The following JAZF1 variants were observed in gnomAD, a reference collection of about 807,000 sequenced individuals.
The protein encoded by JAZF1 is juxtaposed with another zinc finger protein 1.
JAZF1 carries 8 observed loss-of-function variants against 26.4 expected under a neutral mutation model. That is an observed-to-expected ratio of 0.30 (90% CI 0.18 to 0.55). The LOEUF is 0.55. Among genes scored for constraint, JAZF1 ranks in the 20% least tolerant of loss-of-function variants. JAZF1 has a pLI of 0.94. For missense variants in JAZF1, 199 were observed against 322.0 expected (o/e 0.62, Z 2.92); for synonymous variants, 126 against 122.3 (o/e 1.03, Z -0.20).
intron 1 of JAZF1, among the ~76,000 whole-genome samples, chr7:28,084,993 T>TA (rs1784191874): frequency 6.6e-6 from 1 of 152,176 alleles, no homozygotes; most frequent in Non-Finnish European, 1.5e-5. Context: ...CTCAGGACTC[T>TA]GTAGAGTCCC....
intron 4 of JAZF1, among the ~76,000 whole-genome samples, chr7:27,837,320 C>T (rs1782834032): frequency 1.3e-5 from 2 of 152,216 alleles, no homozygotes. Context: ...CGAGCATGAG[C>T]AGGGCAAGGG....
chr7:27,916,712 T>C (rs1784447578), intron 2 of JAZF1, among the ~76,000 whole-genome samples: 1 of 152,184 alleles, frequency 6.6e-6, no homozygotes, highest in South Asian at 2.1e-4. Flanking sequence ...GCAAACAACA[T>C]GGCACTAAAT....
intron 2 of JAZF1, among the ~76,000 whole-genome samples, chr7:27,984,356 A>G (rs1418139175): frequency 6.6e-6 from 1 of 152,234 alleles, no homozygotes; most frequent in Non-Finnish European, 1.5e-5. Flanking sequence ...AGAGACAAAG[A>G]AGGCCATTAC....
chr7:27,872,551 T>A (rs1246757975), intron 3 of JAZF1, among the ~76,000 whole-genome samples: 1 of 152,224 alleles, frequency 6.6e-6, no homozygotes, highest in Non-Finnish European at 1.5e-5. Flanking sequence ...AGCCAGGGGA[T>A]GTTAACTCAA....
chr7:28,078,356 G>A (rs1229503991), intron 1 of JAZF1, among the ~76,000 whole-genome samples: 1 of 152,182 alleles, frequency 6.6e-6, no homozygotes, highest in African/African-American at 2.4e-5. Flanking sequence ...ACCCATCACA[G>A]AGAACTGCTG....
intron 1 of JAZF1, among the ~76,000 whole-genome samples, chr7:28,002,765 G>A (rs1465547598): frequency 6.6e-6 from 1 of 152,052 alleles, no homozygotes; most frequent in Non-Finnish European, 1.5e-5. Flanking sequence ...CCTCCATAAT[G>A]CTTAGAAACA....
intron 1 of JAZF1, among the ~76,000 whole-genome samples, chr7:28,012,704 T>C (rs1229836021): frequency 6.6e-6 from 1 of 152,176 alleles, no homozygotes; most frequent in Non-Finnish European, 1.5e-5. Context: ...ACTTTGGGTG[T>C]GGCCTCAGCT....
chr7:27,833,140 T>G, intron 4 of JAZF1, 164 bp from the exon 5 acceptor site: 1 of 500,680 alleles, frequency 2.0e-6, no homozygotes, highest in Non-Finnish European at 3.5e-6. Flanking sequence ...TTCTGGTGTG[T>G]CGGTCATGGG....
At chr7:28,111,748 C>T (rs1346708645) in intron 1 of JAZF1, among the ~76,000 whole-genome samples, 1 of 152,088 alleles carries the variant, frequency 6.6e-6, no homozygotes, top group East Asian at 1.9e-4. Context: ...GTGTATTTAC[C>T]TTCAGGAGAC....
At chr7:27,950,156 G>T (rs987010781) in intron 2 of JAZF1, among the ~76,000 whole-genome samples, 5 of 152,222 alleles carry the variant, frequency 3.3e-5, no homozygotes, top group African/African-American at 1.2e-4. Flanking sequence ...CATGTCAAAT[G>T]AGACTATGTA....
chr7:27,982,170 T>A (rs924840844), intron 2 of JAZF1, among the ~76,000 whole-genome samples: 1 of 152,126 alleles, frequency 6.6e-6, no homozygotes, highest in Non-Finnish European at 1.5e-5. Flanking sequence ...ACCCAGGAAG[T>A]GCAAGAGGTA....
intron 3 of JAZF1, among the ~76,000 whole-genome samples, chr7:27,860,764 C>T (rs1783366029): frequency 6.6e-6 from 1 of 152,224 alleles, no homozygotes; most frequent in East Asian, 1.9e-4. Flanking sequence ...GCACTGCATA[C>T]TTGAATCCAG....
chr7:27,871,918 G>A lies in JAZF1; in HGVS notation c.385+23302C>T, dbSNP rs963373039. 4.6e-5 allele frequency among the ~76,000 whole-genome samples: 7 copies of A among 152,150 alleles called. No individual in the cohort carries two copies. In the East Asian group the frequency reaches 1.3e-3, roughly 29 times the overall value. ...GATGGAAGGCTGGGAGAAAGTGGTG[G>A]TACTATCTGTGGCATGTGCTCCGTT... is the stretch of plus-strand genomic sequence containing the variant. On this transcript the variant is annotated intron_variant, in intron 3 of 4. Transcript: ENST00000283928.
chr7:27,896,363 C>G (rs1784062659), intron 2 of JAZF1, among the ~76,000 whole-genome samples: 1 of 152,084 alleles, frequency 6.6e-6, no homozygotes, highest in African/African-American at 2.4e-5. Context: ...GGCAGGCAAA[C>G]TTTGTCAGCT....
chr7:27,875,781 T>C (rs1234886554), intron 3 of JAZF1, among the ~76,000 whole-genome samples: 1 of 152,196 alleles, frequency 6.6e-6, no homozygotes, highest in Non-Finnish European at 1.5e-5. Flanking sequence ...TGTACATTCA[T>C]TAGGTACACA....
chr7:28,129,940 C>G (rs981663157), intron 1 of JAZF1, among the ~76,000 whole-genome samples: 1 of 151,932 alleles, frequency 6.6e-6, no homozygotes, highest in African/African-American at 2.4e-5. Context: ...TATCTTTCCA[C>G]CACTCCTCAA....
At chr7:28,029,503 T>G (rs1783149675) in intron 1 of JAZF1, among the ~76,000 whole-genome samples, 1 of 152,220 alleles carries the variant, frequency 6.6e-6, no homozygotes, top group East Asian at 1.9e-4. Context: ...CAAAGGCAAC[T>G]GCTTTCTTTA....
At chr7:28,107,671 T>C (rs928605224) in intron 1 of JAZF1, among the ~76,000 whole-genome samples, 1 of 152,116 alleles carries the variant, frequency 6.6e-6, no homozygotes, top group African/African-American at 2.4e-5. Flanking sequence ...AATGAGGACA[T>C]AAGGACCTCA....
chr7:28,041,904 C>T (rs1783398450), intron 1 of JAZF1, among the ~76,000 whole-genome samples: 1 of 152,144 alleles, frequency 6.6e-6, no homozygotes, highest in African/African-American at 2.4e-5. Context: ...CCTTTCTACT[C>T]CTGTAGGAGG....
Sources: gnomAD v4.1 joint callset for allele counts (sites outside exome capture counted in the v4.1 genomes callset) on GRCh38, gnomAD v4.1.1 for gene constraint, MANE v1.5 for transcripts, NCBI Gene and HGNC (gene_info 2026-07-23, HGNC 2026-07-21) for gene names.